The following FARS2 variants were observed in gnomAD, a reference collection of about 807,000 sequenced individuals.
FARS2 encodes the protein phenylalanine--tRNA ligase, mitochondrial.
In FARS2, 40 loss-of-function variants were observed where a neutral mutation model predicts 46.4. That is an observed-to-expected ratio of 0.86 (90% CI 0.67 to 1.12). FARS2 has a LOEUF of 1.12. Ranked by LOEUF, FARS2 falls within the 50% of genes most tolerant of loss-of-function variation. The pLI is 0.00. For missense variants in FARS2, 513 were observed against 567.9 expected, an observed-to-expected ratio of 0.90 and a Z score of 0.98; for synonymous variants, 234 against 214.9, an observed-to-expected ratio of 1.09 and a Z score of -0.78.
In FARS2 at chr6:5,471,654, C is replaced by G. The variant is rs1301418125; in HGVS notation, c.904+40482C>G. 6.6e-6 allele frequency among the ~76,000 whole-genome samples: 1 copy of G among 152,170 alleles called. No homozygotes were observed. Among genetic ancestry groups the G allele is most frequent in the Non-Finnish European group, 1.5e-5 (1 of 68,034 alleles). ...AGGAAAATGAAAAATAAATAGCAGTCCTGGAATCCTATTGCCTAGTGTAGG... is the reference window on the plus strand; with the variant it reads ...AGGAAAATGAAAAATAAATAGCAGTGCTGGAATCCTATTGCCTAGTGTAGG... On this transcript the variant is annotated intron_variant, in intron 4 of 6. Coordinates refer to ENST00000274680, the MANE Select transcript of FARS2 (RefSeq NM_006567.5). The surrounding 1 kb of genome is among the most constrained non-coding windows in gnomAD (Gnocchi z 4.1).
chr6:5,260,842 G>A, upstream of FARS2: 2 of 1,506,178 alleles, frequency 1.3e-6, no homozygotes, highest in Non-Finnish European at 1.8e-6. Context: ...AAAATGCTGC[G>A]GCTCGGCTTT....
intron 2 of FARS2, among the ~76,000 whole-genome samples, chr6:5,398,606 C>G (rs1210571674): frequency 4.6e-5 from 7 of 152,132 alleles, no homozygotes; most frequent in African/African-American, 1.7e-4. Context: ...GAAGCCTAGA[C>G]CTGAGTATAC....
chr6:5,400,571 C>T (rs556632509), intron 2 of FARS2, among the ~76,000 whole-genome samples: 137 of 151,428 alleles, frequency 9.0e-4, no homozygotes, highest in Non-Finnish European at 1.5e-3. Context: ...ATTCTCTGGG[C>T]CCTTGAAAAT....
intron 6 of FARS2, among the ~76,000 whole-genome samples, chr6:5,662,941 C>T (rs1341672868): frequency 6.6e-6 from 1 of 152,166 alleles, no homozygotes; most frequent in Non-Finnish European, 1.5e-5. Flanking sequence ...GGAACAATGC[C>T]TGATGCATAG....
intron 1 of FARS2, among the ~76,000 whole-genome samples, chr6:5,313,525 C>G (rs1002498358): frequency 2.0e-5 from 3 of 152,148 alleles, no homozygotes; most frequent in African/African-American, 7.2e-5. Flanking sequence ...TGATTGGTAA[C>G]TTCATATGGA....
chr6:5,266,949 T>G (rs898327066), intron 1 of FARS2, among the ~76,000 whole-genome samples: 16 of 152,228 alleles, frequency 1.1e-4, no homozygotes, highest in Non-Finnish European at 7.3e-5. Flanking sequence ...GAGACTCACA[T>G]TTCTGTAGAA....
At chr6:5,262,240 T>A (rs1765206803) in intron 1 of FARS2, among the ~76,000 whole-genome samples, 1 of 152,216 alleles carries the variant, frequency 6.6e-6, no homozygotes, top group South Asian at 2.1e-4. Flanking sequence ...ATACCTGCTG[T>A]ATGTCTAAAC....
At chr6:5,265,627 CTGT>C (rs923072228) in intron 1 of FARS2, among the ~76,000 whole-genome samples, 1 of 152,200 alleles carries the variant, frequency 6.6e-6, no homozygotes, top group African/African-American at 2.4e-5. Context: ...ATTTAAGTTA[CTGT>C]TGTTGTGGTA....
At chr6:5,726,172 T>TA (rs1317525741) in intron 6 of FARS2, among the ~76,000 whole-genome samples, 1 of 147,846 alleles carries the variant, frequency 6.8e-6, no homozygotes, top group East Asian at 1.9e-4. Context: ...TTTAGAATCT[T>TA]TTTTTTTTTA....
At chr6:5,533,008 A>G (rs1270079664) in intron 4 of FARS2, among the ~76,000 whole-genome samples, 1 of 152,132 alleles carries the variant, frequency 6.6e-6, no homozygotes, top group African/African-American at 2.4e-5. Context: ...AAAACAACCT[A>G]TGAGGAGAAA....
chr6:5,563,643 G>A (rs897430320), intron 5 of FARS2, among the ~76,000 whole-genome samples: 3 of 152,110 alleles, frequency 2.0e-5, no homozygotes, highest in Non-Finnish European at 4.4e-5. Flanking sequence ...TCCTGGGGTC[G>A]ATCTAAGGAT....
Position 5,708,604 on chromosome 6 carries a change from T to A in FARS2, c.1218-62687T>A, listed in dbSNP as rs926720534. ...AAACCACTCAAAGCAGGCTTCCTGC[T>A]GAAGCTGAGCTCATGACAATCCCCC... On this transcript the variant is annotated intron_variant, in intron 6 of 6. Transcript: ENST00000274680. 5.3e-5 allele frequency among the ~76,000 whole-genome samples: 8 copies of A among 152,352 alleles called. 1 individual carries two copies. Among genetic ancestry groups the A allele is most frequent in the African/African-American group, 1.9e-4 (8 of 41,578 alleles).
At chr6:5,740,609 A>C (rs1761269927) in intron 6 of FARS2, among the ~76,000 whole-genome samples, 1 of 151,902 alleles carries the variant, frequency 6.6e-6, no homozygotes, top group Non-Finnish European at 1.5e-5. Context: ...CCCCGTTTCC[A>C]GATGCTATGT....
chr6:5,556,393 G>A (rs1240077856), intron 5 of FARS2, among the ~76,000 whole-genome samples: 2 of 151,972 alleles, frequency 1.3e-5, no homozygotes, highest in East Asian at 1.9e-4. Context: ...TTCTGAGAGC[G>A]GCAGCCACAG....
intron 5 of FARS2, among the ~76,000 whole-genome samples, chr6:5,576,313 T>C (rs1582486872): frequency 1.3e-5 from 2 of 152,106 alleles, no homozygotes; most frequent in East Asian, 3.9e-4. Context: ...ACTAATCAGC[T>C]GCCAGCATGG....
intron 2 of FARS2, among the ~76,000 whole-genome samples, chr6:5,388,389 CA>C (rs1316716911): frequency 6.6e-6 from 1 of 152,118 alleles, no homozygotes; most frequent in African/African-American, 2.4e-5. Flanking sequence ...CAATTTGACA[CA>C]AATCTTTTTT....
At chr6:5,716,786 G>A (rs1293056621) in intron 6 of FARS2, among the ~76,000 whole-genome samples, 2 of 152,218 alleles carry the variant, frequency 1.3e-5, no homozygotes, top group Non-Finnish European at 2.9e-5. Context: ...AAAGGATACA[G>A]ATGAAGAAGT....
chr6:5,405,482 T>TTTTTTTG, intron 3 of FARS2, among the ~76,000 whole-genome samples: 1 of 76,786 alleles, frequency 1.3e-5, no homozygotes, highest in African/African-American at 5.1e-5. Flanking sequence ...GCAAGGTTCT[T>TTTTTTTG]TTTTTTTTTT....
intron 5 of FARS2, among the ~76,000 whole-genome samples, chr6:5,561,720 A>T (rs1378146236): frequency 6.6e-6 from 1 of 151,970 alleles, no homozygotes; most frequent in Non-Finnish European, 1.5e-5. Flanking sequence ...GAAAAGTCTG[A>T]GTTATTACTC....
Sources: allele counts gnomAD v4.1 joint callset (sites outside exome capture counted in the v4.1 genomes callset), GRCh38; gene constraint gnomAD v4.1.1; non-coding constraint Gnocchi (gnomAD v3.1); transcripts MANE v1.5; gene names NCBI Gene and HGNC (gene_info 2026-07-23, HGNC 2026-07-21).